SH2D3C: variants seen among roughly 807,000 people sequenced by gnomAD.
SH2D3C encodes SH2 domain-containing protein 3C.
In SH2D3C, 25 loss-of-function variants were observed where a neutral mutation model predicts 75.2. That is an observed-to-expected ratio of 0.33 (90% confidence interval 0.24 to 0.46). The LOEUF (loss-of-function observed/expected upper bound fraction) is 0.46. Ranked by LOEUF, SH2D3C falls within the 20% of genes least tolerant of loss-of-function variation. The probability of loss-of-function intolerance (pLI) is 1.00; values close to 1 mark genes in which losing one functional copy is unlikely to be tolerated. For synonymous variants in SH2D3C, 450 were observed against 473.7 expected, an observed-to-expected ratio of 0.95 and a Z score of 0.65; for missense variants, 933 against 1,165.3, an observed-to-expected ratio of 0.80 and a Z score of 2.90.
In SH2D3C at chr9:127,757,187, C is replaced by T. The variant is rs569425331; in HGVS notation, c.555+4424G>A. On this transcript the variant is annotated intron_variant, in intron 3 of 11. Coordinates refer to ENST00000314830, the MANE Select transcript of SH2D3C (RefSeq NM_170600.3). The stretch of plus-strand genomic sequence containing the variant: ...TGACCTCTTGACCTCAAGTGATCTG[C>T]CCGCATTACACGCATAAGCCACCGT... 2.3e-3 allele frequency among the ~76,000 whole-genome samples: 355 copies of T among 151,262 alleles called. 1 individual carries two copies. The highest frequency in any genetic ancestry group is 8.4e-3 in the African/African-American group (345 of 41,160).
chr9:127,777,402 C>T (rs187000482), intron 1 of SH2D3C, among the ~76,000 whole-genome samples: 45 of 151,870 alleles, frequency 3.0e-4, no homozygotes, highest in African/African-American at 1.0e-3. Flanking sequence ...CATCCCATGA[C>T]ACCCCCATCC....
chr9:127,753,171 G>C (rs961885447), intron 3 of SH2D3C, among the ~76,000 whole-genome samples: 10 of 152,196 alleles, frequency 6.6e-5, no homozygotes, highest in African/African-American at 2.4e-4. Context: ...GAGGGGTTTG[G>C]AAGTGTTGGG....
intron 1 of SH2D3C, among the ~76,000 whole-genome samples, chr9:127,776,546 T>C (rs1334805669): frequency 6.6e-6 from 1 of 152,098 alleles, no homozygotes; most frequent in Non-Finnish European, 1.5e-5. Context: ...TGTGGGACTG[T>C]CCCTTCTCAC....
chr9:127,757,645 G>GATGATTATTATTATT (rs749540385), intron 3 of SH2D3C, among the ~76,000 whole-genome samples: 1 of 121,514 alleles, frequency 8.2e-6, no homozygotes, highest in Non-Finnish European at 1.7e-5. Flanking sequence ...TGATGATGAT[G>GATGATTATTATTATT]ATTATTATTA....
chr9:127,741,428 G>C (rs993954256), intron 9 of SH2D3C, among the ~76,000 whole-genome samples: 2 of 151,808 alleles, frequency 1.3e-5, no homozygotes, highest in African/African-American at 2.4e-5. Context: ...TAGTAGAAAC[G>C]GGGTTTCACC....
At chr9:127,771,304 AGCT>A in intron 2 of SH2D3C, 1 of 1,489,570 alleles carries the variant, frequency 6.7e-7, no homozygotes, top group East Asian at 2.6e-5. Flanking sequence ...CGGGCCACTG[AGCT>A]GCAGAGCTCA....
intron 2 of SH2D3C, among the ~76,000 whole-genome samples, chr9:127,772,603 G>A (rs776802817): frequency 2.6e-5 from 4 of 152,004 alleles, no homozygotes; most frequent in Non-Finnish European, 5.9e-5. Context: ...TGTGACTGGT[G>A]TGGTTGAGAC....
intron 2 of SH2D3C, among the ~76,000 whole-genome samples, chr9:127,766,477 G>T (rs1239872073): frequency 6.6e-6 from 1 of 152,212 alleles, no homozygotes; most frequent in African/African-American, 2.4e-5. Flanking sequence ...GGCTCCTCTT[G>T]TTGCTCCAGA....
chr9:127,752,245 C>G (rs1334849129), intron 3 of SH2D3C, among the ~76,000 whole-genome samples: 1 of 152,170 alleles, frequency 6.6e-6, no homozygotes, highest in African/African-American at 2.4e-5. Flanking sequence ...GCCTTGTGAG[C>G]TCTCTGGGCC....
intron 6 of SH2D3C, among the ~76,000 whole-genome samples, chr9:127,745,326 CCT>C (rs1198304007): frequency 2.6e-5 from 4 of 151,934 alleles, no homozygotes; most frequent in African/African-American, 4.8e-5. Context: ...ATGGCCCCAC[CCT>C]GAGGCTGCTG....
chr9:127,749,747 G>C lies in SH2D3C; in HGVS notation c.685-82C>G, dbSNP rs1490610879. Reference sequence around the variant, plus strand: ...GGATCTGGGGGACAGAGCAACCCAGGATTAGGGGGCACAGCAAGACCAGAC... The same window carrying C: ...GGATCTGGGGGACAGAGCAACCCAGCATTAGGGGGCACAGCAAGACCAGAC... On this transcript the variant is annotated intron_variant, in intron 4 of 11. Transcript: ENST00000314830. The surrounding 1 kb of genome is among the most constrained non-coding windows in gnomAD (Gnocchi z 5.9). 7 of 844,252 alleles carry C rather than the reference G, an allele frequency of 8.3e-6. No individual in the cohort carries two copies. In the Admixed American group the frequency reaches 1.4e-4, roughly 17 times the overall value. The allele number at this position is 844,252 out of a possible 1,614,324, so 52.3% of individuals were successfully genotyped here.
intron 6 of SH2D3C, among the ~76,000 whole-genome samples, chr9:127,746,424 C>T (rs1000254093): frequency 6.6e-6 from 1 of 152,174 alleles, no homozygotes; most frequent in South Asian, 2.1e-4. Flanking sequence ...AAACTTTCTT[C>T]GTATTTATAA....
Position 127,771,142 on chromosome 9 carries a change from C to G in SH2D3C, c.515+2848G>C, listed in dbSNP as rs752073308. The G allele has an allele frequency of 5.4e-6, 8 of 1,471,752 alleles. No homozygotes were observed. In the African/African-American group the frequency reaches 8.6e-5, roughly 16 times the overall value. The allele number at this position is 1,471,752 out of a possible 1,614,324, so 91.2% of individuals were successfully genotyped here. The stretch of plus-strand genomic sequence containing the variant: ...GTGCAGATTTCCTCCTTCGACCTCT[C>G]CTGCTCCCCGCTGGCCCTCCCCAGG... On this transcript the variant is annotated intron_variant, in intron 2 of 11. Transcript: ENST00000314830.
In SH2D3C at chr9:127,738,891, A is replaced by G; in HGVS notation, c.2438T>C (p.Val813Ala). 6.3e-7 allele frequency: 1 copy of G among 1,593,108 alleles called. No individual in the cohort carries two copies. Among genetic ancestry groups the G allele is most frequent in the Non-Finnish European group, 8.5e-7 (1 of 1,169,850 alleles). ...GFQARPELLE[V>A]FSTEFQMRLL... ...GCGCATCTGGAACTCCGTGCTGAACACCTCCAGGAGCTCCGGCCGGGCCTG... is the reference window on the plus strand; with the variant it reads ...GCGCATCTGGAACTCCGTGCTGAACGCCTCCAGGAGCTCCGGCCGGGCCTG... The change falls in exon 12 of 12, where the codon GTG (valine) becomes GCG (alanine). Residue 813 changes from valine (V) to alanine (A), a missense_variant. By Grantham distance (64) the Val-to-Ala change is moderately conservative. Transcript: ENST00000314830. This position sits in a 1 kb window ranked among gnomAD's most constrained non-coding sequence, Gnocchi z 5.0.
intron 8 of SH2D3C, among the ~76,000 whole-genome samples, chr9:127,742,444 C>T (rs1401306841): frequency 3.3e-5 from 5 of 152,206 alleles, no homozygotes; most frequent in African/African-American, 9.7e-5. Flanking sequence ...GCCATGCTGG[C>T]CAGGCTGGTG....
chr9:127,745,070 G>A lies in SH2D3C; in HGVS notation c.1294C>T (p.Pro432Ser). Residue 432 changes from proline (P) to serine (S), a missense_variant, in exon 7 of 12, where the codon CCT becomes TCT. Coordinates refer to ENST00000314830, the MANE Select transcript of SH2D3C (RefSeq NM_170600.3). The stretch of plus-strand genomic sequence containing the variant: ...GAGGCAGGCAATGCTGTGGCAGAAG[G>A]GGCTGCAGGGGCGGCATGGACACGG... ...VTRVHAAPAA[P>S]SATALPASPV... 1.3e-6 allele frequency: 2 copies of A among 1,507,742 alleles called. No individual in the cohort carries two copies. The highest frequency in any genetic ancestry group is 2.7e-5 in the South Asian group (2 of 73,746). The allele number at this position is 1,507,742 out of a possible 1,614,324, so 93.4% of individuals were successfully genotyped here. A position where few individuals can be genotyped will look rare whatever the true frequency, so the allele number is the denominator to read the frequency against.
In SH2D3C at chr9:127,749,134, G is replaced by T; in HGVS notation, c.1139+77C>A. 9.4e-7 allele frequency: 1 copy of T among 1,061,844 alleles called. No homozygotes were observed. Among genetic ancestry groups the T allele is most frequent in the Non-Finnish European group, 1.4e-6 (1 of 733,358 alleles). 65.8% of individuals were successfully genotyped at this position (1,061,844 alleles called of 1,614,324 possible). ...AGGAGAGTAATTTCATCCCATTTCA[G>T]TGTACCTAGGCCTTCTCTTTCTCAC... On this transcript the variant is annotated intron_variant, in intron 5 of 11. Transcript: ENST00000314830. The surrounding 1 kb of genome is among the most constrained non-coding windows in gnomAD (Gnocchi z 5.9).
At chr9:127,740,200 G>C in intron 10 of SH2D3C, 58 bp downstream of exon 10, 2 of 1,426,346 alleles carry the variant, frequency 1.4e-6, no homozygotes, top group Non-Finnish European at 2.0e-6. Context: ...CATGCTGGGA[G>C]TCTTTGCAAC....
At chr9:127,747,975 G>C (rs769751776) in intron 5 of SH2D3C, among the ~76,000 whole-genome samples, 1 of 152,158 alleles carries the variant, frequency 6.6e-6, no homozygotes, top group Non-Finnish European at 1.5e-5. Flanking sequence ...CACTTCTCAA[G>C]CTCCTCTGTC....
Sources: gnomAD v4.1 joint callset for allele counts (sites outside exome capture counted in the v4.1 genomes callset) on GRCh38, gnomAD v4.1.1 for gene constraint, Gnocchi (gnomAD v3.1) non-coding constraint, MANE v1.5 for transcripts, NCBI Gene and HGNC (gene_info 2026-07-23, HGNC 2026-07-21) for gene names.